NPLOC4: variants seen among roughly 807,000 people sequenced by gnomAD.
The protein encoded by NPLOC4 is NPL4 homolog, ubiquitin recognition factor.
A neutral mutation model predicts 80.6 loss-of-function variants in NPLOC4; 18 were observed. That is an observed-to-expected ratio of 0.22 (90% CI 0.15 to 0.33). The LOEUF (loss-of-function observed/expected upper bound fraction) is 0.33, where lower values mean the gene tolerates loss of function less well. Ranked by LOEUF, NPLOC4 falls within the 10% of genes least tolerant of loss-of-function variation. The pLI is 1.00. For missense variants in NPLOC4, 540 were observed against 786.1 expected (o/e 0.69, Z 3.74); for synonymous variants, 313 against 301.5 (o/e 1.04, Z -0.39).
At chr17:81,566,071 C>T (rs879306866) in intron 15 of NPLOC4, among the ~76,000 whole-genome samples, 8 of 152,214 alleles carry the variant, frequency 5.3e-5, no homozygotes, top group Admixed American at 2.0e-4. Context: ...CAGTGGCTCA[C>T]GCCTGTAATC....
At chr17:81,621,343 T>C (rs2035662490) in intron 3 of NPLOC4, among the ~76,000 whole-genome samples, 1 of 152,166 alleles carries the variant, frequency 6.6e-6, no homozygotes. Context: ...TAGTAATTTG[T>C]GAATCTAAAA....
chr17:81,593,441 A>G (rs563707686), intron 11 of NPLOC4, among the ~76,000 whole-genome samples: 25 of 152,174 alleles, frequency 1.6e-4, no homozygotes, highest in African/African-American at 6.0e-4. Context: ...GTATGACTTT[A>G]TTCTGTTTCT....
chr17:81,570,982 TG>T (rs1359397104), intron 13 of NPLOC4, among the ~76,000 whole-genome samples: 1 of 152,184 alleles, frequency 6.6e-6, no homozygotes, highest in Non-Finnish European at 1.5e-5. Context: ...GTAGAAGACC[TG>T]AGAAAGCTGG....
intron 16 of NPLOC4, chr17:81,564,065 G>C: frequency 3.1e-6 from 1 of 321,912 alleles, no homozygotes; most frequent in South Asian, 2.1e-5. Flanking sequence ...TGGGAGACAG[G>C]GTGAGGCTCC....
At chr17:81,635,112 C>A (rs983854310) in intron 1 of NPLOC4, among the ~76,000 whole-genome samples, 2 of 151,662 alleles carry the variant, frequency 1.3e-5, no homozygotes, top group Non-Finnish European at 2.9e-5. Flanking sequence ...TATGCCAAGG[C>A]GGGCGGATCA....
At chr17:81,623,808 AC>A (rs200540726) in intron 2 of NPLOC4, among the ~76,000 whole-genome samples, 65,375 of 146,804 alleles carry the variant, frequency 0.45, 15,638 homozygotes, top group East Asian at 0.75. Flanking sequence ...AAAAAAAAAA[AC>A]AAAACTCAAT....
chr17:81,571,908 G>C (rs545423110), intron 13 of NPLOC4, 109 bp downstream of exon 13: 3 of 664,546 alleles, frequency 4.5e-6, no homozygotes, highest in African/African-American at 1.8e-5. Flanking sequence ...TCAAGGCAGA[G>C]GGTGCCTTAA....
At chr17:81,618,472 T>A (rs907091606) in intron 3 of NPLOC4, among the ~76,000 whole-genome samples, 4 of 136,354 alleles carry the variant, frequency 2.9e-5, no homozygotes, top group African/African-American at 1.1e-4. Flanking sequence ...AGCCACCCCG[T>A]CCGGGAGGAA....
chr17:81,561,462 T>G (rs1394254222), intron 16 of NPLOC4, among the ~76,000 whole-genome samples: 2 of 152,360 alleles, frequency 1.3e-5, no homozygotes, highest in East Asian at 3.9e-4. Flanking sequence ...TTAGATAAAT[T>G]TATTTATCAA....
intron 3 of NPLOC4, among the ~76,000 whole-genome samples, chr17:81,620,583 C>T (rs2035637935): frequency 6.6e-6 from 1 of 152,292 alleles, no homozygotes; most frequent in Non-Finnish European, 1.5e-5. Flanking sequence ...ATCCCCAGAC[C>T]TGCTTGGTGC....
intron 12 of NPLOC4, among the ~76,000 whole-genome samples, chr17:81,575,937 T>C (rs1391255468): frequency 6.6e-6 from 1 of 152,232 alleles, no homozygotes; most frequent in Non-Finnish European, 1.5e-5. Flanking sequence ...AAACACAATC[T>C]CCTATGAGTG....
Position 81,604,569 on chromosome 17 carries a change from A to G in NPLOC4, c.813T>C (p.Ala271=). Residue 271 remains alanine, a synonymous_variant, in exon 8 of 17, where the codon GCT becomes GCC. Transcript: ENST00000331134. ...TTACCTGAGGTGGCTCATAAATCGCAGCCACTTCAGCCCTGATGCCAAGGG... is the reference window on the plus strand; with the variant it reads ...TTACCTGAGGTGGCTCATAAATCGCGGCCACTTCAGCCCTGATGCCAAGGG... ...DIPLGIRAEV[A]AIYEPPQIGT... 2 of 1,612,066 alleles carry G rather than the reference A, an allele frequency of 1.2e-6. No homozygotes were observed. Among genetic ancestry groups the G allele is most frequent in the South Asian group, 2.2e-5 (2 of 90,620 alleles).
At chr17:81,620,477 C>CA (rs2035635462) in intron 3 of NPLOC4, among the ~76,000 whole-genome samples, 1 of 152,146 alleles carries the variant, frequency 6.6e-6, no homozygotes, top group African/African-American at 2.4e-5. Flanking sequence ...GCCTGGGCGA[C>CA]AGAGCGAGAC....
rs190285567 is a variant in NPLOC4 at position 81,613,350 on chromosome 17, G to C, written c.354C>G (p.Asp118Glu). The C allele has an allele frequency of 1.9e-6, 3 of 1,613,668 alleles. No individual in the cohort carries two copies. Among genetic ancestry groups the C allele is most frequent in the Non-Finnish European group, 1.7e-6 (2 of 1,179,800 alleles). Residue 118 changes from aspartate to glutamate, a missense_variant, in exon 4 of 17, where the codon GAC (aspartate) becomes GAG (glutamate). Physicochemically the swap from Asp to Glu is conservative, Grantham distance 45 (BLOSUM62 2). This residue lies in a region of NPLOC4 where 74 missense variants were observed against 75.7 expected (regional missense o/e 0.98). Transcript: ENST00000331134. ...DEIDQYLSKQ[D>E]GKIYRSRDPQ... ...GGTCTCGGCTTCTGTAAATCTTCCC[G>C]TCCTGTTTGCTGAGGTACTGATCAA... is the stretch of plus-strand genomic sequence containing the variant.
intron 5 of NPLOC4, among the ~76,000 whole-genome samples, chr17:81,609,373 G>A (rs1396928855): frequency 3.3e-5 from 5 of 152,066 alleles, no homozygotes; most frequent in Non-Finnish European, 7.4e-5. Context: ...GGAGTATGGT[G>A]GTGCAATCAT....
chr17:81,596,579 T>TA (rs1330019810), intron 10 of NPLOC4, among the ~76,000 whole-genome samples: 1 of 151,802 alleles, frequency 6.6e-6, no homozygotes, highest in African/African-American at 2.4e-5. Flanking sequence ...AAAATAAAAA[T>TA]AAAAAATAAG....
At chr17:81,607,393 CAAAAAAA>C (rs1158799161) in intron 6 of NPLOC4, among the ~76,000 whole-genome samples, 10 of 77,850 alleles carry the variant, frequency 1.3e-4, no homozygotes, top group East Asian at 4.8e-4. Context: ...ATATAACTGA[CAAAAAAA>C]AAAAAAAAAG....
At position 81,559,418 on chromosome 17, in the gene NPLOC4, T is replaced by C; in HGVS notation, c.1670-2A>G. 6.2e-7 allele frequency: 1 copy of C among 1,608,370 alleles called. No individual in the cohort carries two copies. The highest frequency in any genetic ancestry group is 8.5e-7 in the Non-Finnish European group (1 of 1,177,470). ...CTGGGAGCTGCCCGCCAACTGTGCC[T>C]GCAGGGTGGAAGAGAAATGAGCACT... On this transcript the variant is annotated splice_acceptor_variant, in intron 16 of 16. Coordinates refer to ENST00000331134, the MANE Select transcript of NPLOC4 (RefSeq NM_017921.4). LOFTEE classifies it high-confidence loss of function.
chr17:81,606,883 G>A, intron 6 of NPLOC4, 69 bp from the exon 7 acceptor site: 1 of 1,455,080 alleles, frequency 6.9e-7, no homozygotes, highest in South Asian at 1.2e-5. Flanking sequence ...GAAATGACAT[G>A]CTAAGTATCT....
Sources: gnomAD v4.1 joint callset for allele counts (sites outside exome capture counted in the v4.1 genomes callset) on GRCh38, gnomAD v4.1.1 for gene constraint, gnomAD v4.1.1 regional missense constraint, MANE v1.5 for transcripts, NCBI Gene and HGNC (gene_info 2026-07-23, HGNC 2026-07-21) for gene names.